Variants in ZNF697 observed in about 807,000 individuals in gnomAD.
The protein encoded by ZNF697 is zinc finger protein 697.
ZNF697 carries 23 observed loss-of-function variants against 32.4 expected under a neutral mutation model. That is an observed-to-expected ratio of 0.71 (90% CI 0.51 to 1.01). ZNF697 has a LOEUF of 1.01. Among genes scored for constraint, ZNF697 ranks in the 50% least tolerant of loss-of-function variants. The pLI, the probability that ZNF697 is intolerant of heterozygous loss-of-function variation, is 0.00. For missense variants in ZNF697, 930 were observed against 794.0 expected (o/e 1.17, Z -2.06); for synonymous variants, 418 against 337.2 (o/e 1.24, Z -2.62).
Position 119,621,550 on chromosome 1 carries a change from T to C in ZNF697, c.*1155A>G, listed in dbSNP as rs1648312231. The C allele has an allele frequency of 6.5e-6, 1 of 152,690 alleles. No homozygotes were observed. Among genetic ancestry groups the C allele is most frequent in the South Asian group, 2.1e-4 (1 of 4,830 alleles). The allele number at this position is 152,690 out of a possible 1,614,324, so 9.5% of individuals were successfully genotyped here. A position where few individuals can be genotyped will look rare whatever the true frequency, so the allele number is the denominator to read the frequency against. ...CTTCTGGGTAAAGCCTTGAGATTTC[T>C]ACTGTGCCTCCACGCGCAGGCAAAA... On this transcript the variant is annotated 3_prime_UTR_variant, in exon 3 of 3. Transcript: ENST00000421812.
chr1:119,639,637 T>A (rs1396945140), intron 1 of ZNF697, among the ~76,000 whole-genome samples: 3 of 147,796 alleles, frequency 2.0e-5, no homozygotes, highest in Non-Finnish European at 4.5e-5. Context: ...CCAGCACTTT[T>A]GGGGGCCAAA....
At chr1:119,646,392 C>G (rs1317281110) in intron 1 of ZNF697, among the ~76,000 whole-genome samples, 2 of 149,612 alleles carry the variant, frequency 1.3e-5, no homozygotes, top group Admixed American at 6.6e-5. Flanking sequence ...TAGAAATCAT[C>G]TAAATTCACA....
intron 1 of ZNF697, among the ~76,000 whole-genome samples, chr1:119,641,062 T>TACATGCC (rs1311371287): frequency 6.6e-6 from 1 of 152,194 alleles, no homozygotes; most frequent in Non-Finnish European, 1.5e-5. Flanking sequence ...TAGTAAAGAT[T>TACATGCC]ACATGCCATA....
intron 1 of ZNF697, among the ~76,000 whole-genome samples, chr1:119,632,100 G>T (rs1648797122): frequency 6.6e-6 from 1 of 152,150 alleles, no homozygotes; most frequent in South Asian, 2.1e-4. Context: ...CCTCTCGGGG[G>T]ATATGACCAT....
chr1:119,626,255 C>T (rs954164080), intron 1 of ZNF697, 118 bp from the exon 2 acceptor site: 8 of 1,317,152 alleles, frequency 6.1e-6, no homozygotes, highest in Non-Finnish European at 7.1e-6. Flanking sequence ...AGATGGCAAA[C>T]CTCCACTTCA....
rs1648568416 is a variant in ZNF697 at position 119,625,952 on chromosome 1, T to C, written c.149A>G (p.Glu50Gly). 6.2e-7 allele frequency: 1 copy of C among 1,614,050 alleles called. No homozygotes were observed. The highest frequency in any genetic ancestry group is 8.5e-7 in the Non-Finnish European group (1 of 1,179,898). ...GCCCATCTCCGGCTCCGGATGGCCT[T>C]CTCTCTTGTTTGTGTCATGTGGATT... ...GSNPHDTNKR[E>G]GHPEPEMGSN... The change falls in exon 2 of 3, where the codon GAA becomes GGA. Residue 50 changes from glutamate (E) to glycine (G), a missense_variant. Transcript: ENST00000421812.
At position 119,623,977 on chromosome 1, in the gene ZNF697, C is replaced by CTCGTCGTCG. The variant is rs1648484387; in HGVS notation, c.357_365dup (p.Asp119_Asp121dup). ...CCTCCAGCCGGTTCTCCCCAGCACT[C>CTCGTCGTCG]TCGTCGTCGTCCTCCCGGAGGCTCC... On this transcript the variant is annotated inframe_insertion, in exon 3 of 3. Transcript: ENST00000421812. The CTCGTCGTCG allele has an allele frequency of 6.2e-7, 1 of 1,610,000 alleles. No individual in the cohort carries two copies. The highest frequency in any genetic ancestry group is 1.3e-5 in the African/African-American group (1 of 74,828).
At chr1:119,639,653 T>C (rs935388758) in intron 1 of ZNF697, among the ~76,000 whole-genome samples, 7 of 146,186 alleles carry the variant, frequency 4.8e-5, no homozygotes, top group African/African-American at 1.8e-4. Flanking sequence ...CCAAAGCCAG[T>C]GGATCGCTTA....
At chr1:119,630,156 G>T (rs946306410) in intron 1 of ZNF697, among the ~76,000 whole-genome samples, 3 of 152,170 alleles carry the variant, frequency 2.0e-5, no homozygotes, top group Non-Finnish European at 4.4e-5. Flanking sequence ...TCTGGTTTTT[G>T]GCCAACACAA....
intron 1 of ZNF697, among the ~76,000 whole-genome samples, chr1:119,633,356 ATGTGTGTGTGTGTGTGTGTGTG>A (rs58387828): frequency 1.4e-5 from 2 of 143,142 alleles, no homozygotes; most frequent in African/African-American, 5.1e-5. Context: ...AACCAATAGG[ATGTGTGTGTGTGTGTGTGTGTG>A]TGTGTGTGTG....
Position 119,648,252 on chromosome 1 carries a change from G to A in ZNF697, c.-599C>T, listed in dbSNP as rs1379117790. Among the ~76,000 whole-genome samples the A allele has an allele frequency of 6.8e-6, 1 of 146,900 alleles. No homozygotes were observed. ...TGGCTGGCTCGCTGGCTGGCTGCCC[G>A]GCTGACTCCTCACTGGGGCTTCCTG... On this transcript the variant is annotated 5_prime_UTR_variant, in exon 1 of 3. Transcript: ENST00000421812.
At chr1:119,626,237 C>T in intron 1 of ZNF697, 100 bp from the exon 2 acceptor site, 1 of 1,443,562 alleles carries the variant, frequency 6.9e-7, no homozygotes, top group Non-Finnish European at 9.1e-7. Flanking sequence ...TATGGAGTTC[C>T]AAGCCCCAGA....
rs1648368478 is a variant in ZNF697 at position 119,622,592 on chromosome 1, G to GTC, written c.*111_*112dup. The GTC allele has an allele frequency of 7.0e-7, 1 of 1,424,258 alleles. No homozygotes were observed. The highest frequency in any genetic ancestry group is 9.2e-7 in the Non-Finnish European group (1 of 1,092,104). 88.2% of individuals were successfully genotyped at this position (1,424,258 alleles called of 1,614,324 possible). A position where few individuals can be genotyped will look rare whatever the true frequency, so the allele number is the denominator to read the frequency against. On this transcript the variant is annotated 3_prime_UTR_variant, in exon 3 of 3. Coordinates refer to ENST00000421812, the MANE Select transcript of ZNF697 (RefSeq NM_001080470.2). Reference sequence around the variant, plus strand: ...AACCCCAAACACCAAAGGCTCCCCAGTCACTCTCAGATTGTCCCTCCCGCC... The same window carrying GTC: ...AACCCCAAACACCAAAGGCTCCCCAGTCTCACTCTCAGATTGTCCCTCCCGCC...
Position 119,623,475 on chromosome 1 carries a change from G to C in ZNF697, c.868C>G (p.Leu290Val). 1 of 1,562,666 alleles carries C rather than the reference G, an allele frequency of 6.4e-7. No individual in the cohort carries two copies. The highest frequency in any genetic ancestry group is 8.6e-7 in the Non-Finnish European group (1 of 1,156,386). The change falls in exon 3 of 3, where the codon CTG becomes GTG. Residue 290 changes from leucine to valine, a missense_variant. By Grantham distance (32) the Leu-to-Val change is conservative. Coordinates refer to ENST00000421812, the MANE Select transcript of ZNF697 (RefSeq NM_001080470.2). ...AAGCTCTTGCCGCAGTCGGCGCACA[G>C]GTTGGGCCGCTCGCCCGTGTGCAGG... ...LRLHTGERPN[L>V]CADCGKSFSW...
chr1:119,622,938 G>A lies in ZNF697; in HGVS notation c.1405C>T (p.Gln469Ter). The A allele has an allele frequency of 6.2e-7, 1 of 1,600,210 alleles. No individual in the cohort carries two copies. Among genetic ancestry groups the A allele is most frequent in the Non-Finnish European group, 8.5e-7 (1 of 1,174,240 alleles). ...AAGTCGCTGAAGCGCTTCTCGCACT[G>A]GCCACAGCGGAAGGGCTTCTCGCCG... ...HTGEKPFRCG[Q>*]CEKRFSDFST... The change falls in exon 3 of 3, where the codon CAG becomes TAG. Residue 469 changes from glutamine (Q) to a stop codon, truncating the protein, a stop_gained. Coordinates refer to ENST00000421812, the MANE Select transcript of ZNF697 (RefSeq NM_001080470.2). LOFTEE classifies it high-confidence loss of function.
At position 119,621,770 on chromosome 1, in the gene ZNF697, C is replaced by G. The variant is rs992558276; in HGVS notation, c.*935G>C. On this transcript the variant is annotated 3_prime_UTR_variant, in exon 3 of 3. Transcript: ENST00000421812. ...GTTGACTTTTTAGCAGGTCACTGGG[C>G]AACTGTTGGTCTAAAGTTCACTTGA... 6.6e-6 allele frequency: 1 copy of G among 152,204 alleles called. No homozygotes were observed. The highest frequency in any genetic ancestry group is 1.9e-4 in the East Asian group (1 of 5,202). 9.4% of individuals were successfully genotyped at this position (152,204 alleles called of 1,614,324 possible).
chr1:119,643,025 G>C (rs1649119792), intron 1 of ZNF697, among the ~76,000 whole-genome samples: 1 of 152,216 alleles, frequency 6.6e-6, no homozygotes, highest in Non-Finnish European at 1.5e-5. Context: ...CTAAGCACAT[G>C]AAATAGCTCT....
At chr1:119,641,239 G>C (rs909294870) in intron 1 of ZNF697, among the ~76,000 whole-genome samples, 4 of 152,170 alleles carry the variant, frequency 2.6e-5, no homozygotes, top group Non-Finnish European at 5.9e-5. Context: ...GATGCTTATT[G>C]TTATAAGGGG....
intron 1 of ZNF697, among the ~76,000 whole-genome samples, chr1:119,632,125 C>A (rs1648797669): frequency 6.6e-6 from 1 of 152,208 alleles, no homozygotes; most frequent in South Asian, 2.1e-4. Context: ...GTCCTGCCTC[C>A]TCACTGCTAA....
Sources: gnomAD v4.1 joint callset for allele counts (sites outside exome capture counted in the v4.1 genomes callset) on GRCh38, gnomAD v4.1.1 for gene constraint, MANE v1.5 for transcripts, NCBI Gene and HGNC (gene_info 2026-07-23, HGNC 2026-07-21) for gene names.